Variants in CADM2 observed in about 807,000 individuals in gnomAD.
CADM2 encodes the protein immunoglobulin superfamily member 4D.
A neutral mutation model predicts 49.8 loss-of-function variants in CADM2; 12 were observed. That is an observed-to-expected ratio of 0.24 (90% CI 0.15 to 0.39). The LOEUF is 0.39. CADM2 is among the 10% of genes least tolerant of loss of function. CADM2 has a pLI of 1.00. For missense variants in CADM2, 378 were observed against 492.3 expected, an observed-to-expected ratio of 0.77 and a Z score of 2.20; for synonymous variants, 214 against 175.4, an observed-to-expected ratio of 1.22 and a Z score of -1.74.
At chr3:85,321,091 C>CATATATATATATAT (rs1227890094) in intron 1 of CADM2, among the ~76,000 whole-genome samples, 26 of 64,758 alleles carry the variant, frequency 4.0e-4, no homozygotes, top group Admixed American at 5.7e-4. Flanking sequence ...TAGATATATA[C>CATATATATATATAT]ATATATATAT....
intron 8 of CADM2, among the ~76,000 whole-genome samples, chr3:86,046,782 C>G (rs533405118): frequency 6.7e-6 from 1 of 149,278 alleles, no homozygotes; most frequent in East Asian, 2.0e-4. Flanking sequence ...ACACCCCCAA[C>G]CCCCCCTCAT....
intron 7 of CADM2, among the ~76,000 whole-genome samples, chr3:85,946,655 A>C (rs1158110204): frequency 2.0e-5 from 3 of 152,134 alleles, no homozygotes; most frequent in Non-Finnish European, 4.4e-5. Context: ...ATCTACAACT[A>C]TCTGATCTTT....
At chr3:85,885,383 C>CA (rs1319871321) in intron 4 of CADM2, among the ~76,000 whole-genome samples, 95 of 117,352 alleles carry the variant, frequency 8.1e-4, no homozygotes, top group African/African-American at 3.1e-3. Context: ...CTAAAAAATA[C>CA]AAAATTAGGC....
At chr3:85,707,712 C>T (rs894926166) in intron 1 of CADM2, among the ~76,000 whole-genome samples, 2 of 152,022 alleles carry the variant, frequency 1.3e-5, no homozygotes, top group African/African-American at 2.4e-5. Context: ...ATACATCTTC[C>T]CTTTAGTTTA....
chr3:85,294,994 T>G (rs1178490661), intron 1 of CADM2, among the ~76,000 whole-genome samples: 1 of 151,700 alleles, frequency 6.6e-6, no homozygotes, highest in Non-Finnish European at 1.5e-5. Context: ...ACCATCAGAG[T>G]GAACAGGCAA....
chr3:85,224,951 T>G, intron 1 of CADM2, among the ~76,000 whole-genome samples: 1 of 152,122 alleles, frequency 6.6e-6, no homozygotes, highest in Non-Finnish European at 1.5e-5. Flanking sequence ...TTCTGTTCCA[T>G]TGGTCTATAT....
chr3:85,319,009 A>G (rs1056649186), intron 1 of CADM2, among the ~76,000 whole-genome samples: 32 of 152,302 alleles, frequency 2.1e-4, no homozygotes, highest in Non-Finnish European at 2.5e-4. Context: ...TATAAGACAG[A>G]GAAGTTTAAA....
chr3:85,907,632 T>C (rs13085195), intron 5 of CADM2, among the ~76,000 whole-genome samples: 100,244 of 151,972 alleles, frequency 0.66, 33,669 homozygotes, highest in African/African-American at 0.78. Context: ...AGGTATTGGC[T>C]GGACACGGTG....
At chr3:85,135,384 G>A (rs2107617799) in intron 1 of CADM2, among the ~76,000 whole-genome samples, 1 of 152,046 alleles carries the variant, frequency 6.6e-6, no homozygotes, top group Middle Eastern at 3.4e-3. Context: ...GTTATATAAT[G>A]AGGGGTACTT....
intron 1 of CADM2, among the ~76,000 whole-genome samples, chr3:85,050,398 C>T (rs1484005902): frequency 6.6e-6 from 1 of 152,082 alleles, no homozygotes; most frequent in Admixed American, 6.6e-5. Context: ...GGAAATATGT[C>T]AAAAACTTCA....
intron 1 of CADM2, among the ~76,000 whole-genome samples, chr3:84,998,723 T>C (rs1445730840): frequency 6.6e-6 from 1 of 152,110 alleles, no homozygotes; most frequent in African/African-American, 2.4e-5. Flanking sequence ...TTTCCAGGAA[T>C]GGACACAGAG....
intron 1 of CADM2, among the ~76,000 whole-genome samples, chr3:85,617,192 C>A (rs1229361990): frequency 6.6e-6 from 1 of 152,060 alleles, no homozygotes; most frequent in Non-Finnish European, 1.5e-5. Flanking sequence ...CCTCCCCACC[C>A]CTTCCGACAG....
intron 3 of CADM2, among the ~76,000 whole-genome samples, chr3:85,830,866 G>T (rs1399963935): frequency 6.7e-6 from 1 of 149,850 alleles, no homozygotes. Context: ...AGGCCCAGGG[G>T]GTACATGTGC....
chr3:85,751,404 T>C (rs1391663641), intron 2 of CADM2, among the ~76,000 whole-genome samples: 1 of 152,164 alleles, frequency 6.6e-6, no homozygotes, highest in East Asian at 1.9e-4. Flanking sequence ...ATATTTATCA[T>C]CTTAATGACA....
intron 8 of CADM2, among the ~76,000 whole-genome samples, chr3:86,039,754 G>C (rs532414766): frequency 1.8e-4 from 27 of 152,316 alleles, no homozygotes; most frequent in African/African-American, 6.3e-4. Context: ...CCAGCAGGCA[G>C]CTGGAGATCT....
intron 1 of CADM2, among the ~76,000 whole-genome samples, chr3:85,343,761 G>A (rs572638058): frequency 1.4e-4 from 21 of 152,330 alleles, no homozygotes; most frequent in Non-Finnish European, 2.6e-4. Flanking sequence ...ACAGGGGAAA[G>A]CTTCAGAGAG....
In CADM2 at chr3:85,760,771, T is replaced by G. The variant is rs182058328; in HGVS notation, c.88+34223T>G. On this transcript the variant is annotated intron_variant, in intron 2 of 9. Coordinates refer to ENST00000383699, the MANE Select transcript of CADM2 (RefSeq NM_001167675.2). Reference sequence around the variant, plus strand: ...TAAGATAAATTATATTGAAATCAATTTTCTTAACACATTATATATTTGTAT... The same window carrying G: ...TAAGATAAATTATATTGAAATCAATGTTCTTAACACATTATATATTTGTAT... Among the ~76,000 whole-genome samples, 3 of 152,304 alleles carry G rather than the reference T, an allele frequency of 2.0e-5. No homozygotes were observed. In the East Asian group the frequency reaches 5.8e-4, roughly 29 times the overall value.
intron 3 of CADM2, among the ~76,000 whole-genome samples, chr3:85,846,683 ACAGT>A (rs2074896123): frequency 6.6e-6 from 1 of 151,986 alleles, no homozygotes; most frequent in South Asian, 2.1e-4. Context: ...CCTAGGTAAC[ACAGT>A]CAAACTCTCT....
chr3:85,739,589 T>C (rs2068292352), intron 2 of CADM2, among the ~76,000 whole-genome samples: 1 of 152,050 alleles, frequency 6.6e-6, no homozygotes, highest in Admixed American at 6.6e-5. Context: ...AATACAATGA[T>C]TAAAAATTCA....
Sources: allele counts gnomAD v4.1 joint callset (sites outside exome capture counted in the v4.1 genomes callset), GRCh38; gene constraint gnomAD v4.1.1; transcripts MANE v1.5; gene names NCBI Gene and HGNC (gene_info 2026-07-23, HGNC 2026-07-21).